The following ENTPD7 variants were observed in gnomAD, a reference collection of about 807,000 sequenced individuals.
The protein encoded by ENTPD7 is ectonucleoside triphosphate diphosphohydrolase 7.
Under a neutral mutation model 77.9 loss-of-function variants are expected in ENTPD7, and 53 were observed. The ratio of observed to expected loss-of-function variants is 0.68; its 90% CI spans 0.55 to 0.85. The LOEUF (loss-of-function observed/expected upper bound fraction) is 0.85, where lower values mean the gene tolerates loss of function less well. Ranked by LOEUF, ENTPD7 falls within the 40% of genes least tolerant of loss-of-function variation. The pLI is 0.00. For synonymous variants in ENTPD7, 248 were observed against 274.9 expected (o/e 0.90, Z 0.97); for missense variants, 636 against 743.7 (o/e 0.86, Z 1.68).
At chr10:99,677,854 G>A (rs1047542218) in intron 3 of ENTPD7, among the ~76,000 whole-genome samples, 20 of 152,132 alleles carry the variant, frequency 1.3e-4, no homozygotes, top group Non-Finnish European at 2.4e-4. Flanking sequence ...TACAGATGAG[G>A]AAACAGTCTG....
At position 99,700,782 on chromosome 10, in the gene ENTPD7, T is replaced by C; in HGVS notation, c.1336-191T>C. 3 of 632,598 alleles carry C rather than the reference T, an allele frequency of 4.7e-6. No homozygotes were observed. In the South Asian group the frequency reaches 5.5e-5, roughly 12 times the overall value. The allele number at this position is 632,598 out of a possible 1,614,324, so 39.2% of individuals were successfully genotyped here. The stretch of plus-strand genomic sequence containing the variant: ...CAGAAGCCACATCAAGCTGGCTTGG[T>C]GCTAGACATGGGATGACGGGAATAA... On this transcript the variant is annotated intron_variant, in intron 10 of 12. Transcript: ENST00000370489.
chr10:99,699,877 T>TTCCC (rs912741947), intron 10 of ENTPD7, among the ~76,000 whole-genome samples: 1 of 151,950 alleles, frequency 6.6e-6, no homozygotes, highest in Non-Finnish European at 1.5e-5. Context: ...CTCCTCATAT[T>TTCCC]TCCCTCCCTC....
At position 99,665,715 on chromosome 10, in the gene ENTPD7, A is replaced by G. The variant is rs538753901; in HGVS notation, c.191+4087A>G. 5.3e-5 allele frequency among the ~76,000 whole-genome samples: 8 copies of G among 149,778 alleles called. No homozygotes were observed. In the South Asian group the frequency reaches 1.7e-3, roughly 32 times the overall value. On this transcript the variant is annotated intron_variant, in intron 3 of 12. Transcript: ENST00000370489. ...TTTTTTTTTTTTCTTTTTAAACGTT[A>G]CTGAAATAGAGATGGAGGTCTCACT...
intron 3 of ENTPD7, among the ~76,000 whole-genome samples, chr10:99,674,170 T>C (rs916446541): frequency 6.6e-6 from 1 of 152,128 alleles, no homozygotes; most frequent in African/African-American, 2.4e-5. Flanking sequence ...GAGAAGCAGA[T>C]GGATGTTAAA....
rs192674807 is a variant in ENTPD7 at position 99,711,166 on chromosome 10, T to C, written c.*6483T>C. ...GATATAATACAGTTATATAGCTAAATGCAACCAGTTGTTTTTCCAAATGTA... is the reference window on the plus strand; with the variant it reads ...GATATAATACAGTTATATAGCTAAACGCAACCAGTTGTTTTTCCAAATGTA... On this transcript the variant is annotated 3_prime_UTR_variant, in exon 13 of 13. Transcript: ENST00000370489. The C allele has an allele frequency of 1.8e-5, 18 of 985,270 alleles. No individual in the cohort carries two copies. In the East Asian group the frequency reaches 1.5e-3, roughly 81 times the overall value. 61.0% of individuals were successfully genotyped at this position (985,270 alleles called of 1,614,324 possible).
chr10:99,693,257 C>T (rs2035913070), intron 8 of ENTPD7, among the ~76,000 whole-genome samples: 2 of 152,132 alleles, frequency 1.3e-5, no homozygotes, highest in Non-Finnish European at 1.5e-5. Context: ...TCTTCTAGTT[C>T]AGAAGTTGTA....
rs1242942064 is a variant in ENTPD7, at chr10:99,698,653, G to A, written c.1130G>A (p.Gly377Glu). The change falls in exon 10 of 13, where the codon GGA (glycine) becomes GAA (glutamate). Residue 377 changes from glycine to glutamate, a missense_variant. Coordinates refer to ENST00000370489, the MANE Select transcript of ENTPD7 (RefSeq NM_020354.5). ...CAAGTCTTACATGTCCGAGGAAGAGGAGACTGGGTGTCTTGTGGGGCAATG... is the reference window on the plus strand; with the variant it reads ...CAAGTCTTACATGTCCGAGGAAGAGAAGACTGGGTGTCTTGTGGGGCAATG... ...NSQVLHVRGR[G>E]DWVSCGAMLS... is the part of the protein sequence containing the mutation. 1.9e-6 allele frequency: 3 copies of A among 1,614,170 alleles called. No homozygotes were observed. The highest frequency in any genetic ancestry group is 2.5e-6 in the Non-Finnish European group (3 of 1,180,034).
rs185539625 is a variant in ENTPD7, at chr10:99,687,411, G to C, written c.653-1283G>C. On this transcript the variant is annotated intron_variant, in intron 6 of 12. Transcript: ENST00000370489. Reference sequence around the variant, plus strand: ...CTCCCGAGTAGCTGGGACTATAGGCGTGTGCCACCACGCCTGGCTAATTTT... The same window carrying C: ...CTCCCGAGTAGCTGGGACTATAGGCCTGTGCCACCACGCCTGGCTAATTTT... Among the ~76,000 whole-genome samples the C allele has an allele frequency of 2.9e-3, 435 of 151,498 alleles. 1 individual carries two copies. The highest frequency in any genetic ancestry group is 3.5e-3 in the Non-Finnish European group (239 of 67,804).
intron 2 of ENTPD7, among the ~76,000 whole-genome samples, chr10:99,661,171 T>TAGA (rs2035480464): frequency 1.3e-5 from 2 of 152,220 alleles, no homozygotes; most frequent in Non-Finnish European, 2.9e-5. Context: ...GTTATGAGGT[T>TAGA]GCCCAGGGAG....
Position 99,709,198 on chromosome 10 carries a change from A to G in ENTPD7, c.*4515A>G. The stretch of plus-strand genomic sequence containing the variant: ...CCTATTACATCTACCTCATTAAAGA[A>G]CTTCGTTGTAATTCTTGGGCAGTTT... On this transcript the variant is annotated 3_prime_UTR_variant, in exon 13 of 13. Transcript: ENST00000370489. 1.0e-6 allele frequency: 1 copy of G among 985,434 alleles called. No individual in the cohort carries two copies. The highest frequency in any genetic ancestry group is 1.2e-6 in the Non-Finnish European group (1 of 829,934). 61.0% of individuals were successfully genotyped at this position (985,434 alleles called of 1,614,324 possible).
rs560764796 is a variant in ENTPD7, at chr10:99,691,610, C to T, written c.843+92C>T. The T allele has an allele frequency of 1.3e-5, 18 of 1,400,646 alleles. No individual in the cohort carries two copies. The South Asian group carries it at 2.3e-4, about 18-fold the overall frequency. The allele number at this position is 1,400,646 out of a possible 1,614,324, so 86.8% of individuals were successfully genotyped here. A position where few individuals can be genotyped will look rare whatever the true frequency, so the allele number is the denominator to read the frequency against. On this transcript the variant is annotated intron_variant, in intron 8 of 12. Transcript: ENST00000370489. ...TTTGGACTTAGACCAACCTACCTGG[C>T]TCTAAATATTTGTTCAGATACTTGC...
At chr10:99,671,747 A>C (rs771511819) in intron 3 of ENTPD7, among the ~76,000 whole-genome samples, 14 of 152,162 alleles carry the variant, frequency 9.2e-5, no homozygotes, top group Non-Finnish European at 1.8e-4. Flanking sequence ...TGTTATCTTC[A>C]TTAGTGGGTA....
At chr10:99,691,020 T>C (rs2035875909) in intron 7 of ENTPD7, among the ~76,000 whole-genome samples, 3 of 152,198 alleles carry the variant, frequency 2.0e-5, no homozygotes, top group Admixed American at 1.3e-4. Context: ...AGACAGGTTC[T>C]CTGTCACTGA....
In ENTPD7 at chr10:99,710,195, G is replaced by A. The variant is rs2036337792; in HGVS notation, c.*5512G>A. ...TTTCCTAAGTGGCCCCTCCTACAGA[G>A]CACTTGCCGGCATTTGGCCTGCTGC... is the stretch of plus-strand genomic sequence containing the variant. On this transcript the variant is annotated 3_prime_UTR_variant, in exon 13 of 13. Coordinates refer to ENST00000370489, the MANE Select transcript of ENTPD7 (RefSeq NM_020354.5). 2 of 985,272 alleles carry A rather than the reference G, an allele frequency of 2.0e-6. No homozygotes were observed. Among genetic ancestry groups the A allele is most frequent in the African/African-American group, 1.7e-5 (1 of 57,222 alleles). 61.0% of individuals were successfully genotyped at this position (985,272 alleles called of 1,614,324 possible).
intron 3 of ENTPD7, among the ~76,000 whole-genome samples, chr10:99,676,481 G>A (rs1400037878): frequency 6.6e-6 from 1 of 152,180 alleles, no homozygotes; most frequent in South Asian, 2.1e-4. Context: ...AGCAGAGTGG[G>A]TGGTTTTCAG....
rs2036360983 is a variant in ENTPD7 at position 99,710,913 on chromosome 10, T to A, written c.*6230T>A. 1 of 985,234 alleles carries A rather than the reference T, an allele frequency of 1.0e-6. No homozygotes were observed. The highest frequency in any genetic ancestry group is 1.2e-6 in the Non-Finnish European group (1 of 829,836). 61.0% of individuals were successfully genotyped at this position (985,234 alleles called of 1,614,324 possible). A position where few individuals can be genotyped will look rare whatever the true frequency, so the allele number is the denominator to read the frequency against. ...AATTTCCTTCATGTTTTAAAAACAA[T>A]GGACGTAAGTGCAGAGAGACCTTTG... On this transcript the variant is annotated 3_prime_UTR_variant, in exon 13 of 13. Transcript: ENST00000370489.
intron 2 of ENTPD7, among the ~76,000 whole-genome samples, chr10:99,661,011 A>G (rs554442574): frequency 7.2e-5 from 11 of 152,220 alleles, no homozygotes; most frequent in African/African-American, 2.4e-4. Flanking sequence ...TTCACTATAC[A>G]ATATATCCTT....
rs1235506144 is a variant in ENTPD7, at chr10:99,704,363, A to G, written c.1584-89A>G. The G allele has an allele frequency of 3.9e-6, 5 of 1,276,264 alleles. No homozygotes were observed. In the Admixed American group the frequency reaches 5.5e-5, roughly 14 times the overall value. 79.1% of individuals were successfully genotyped at this position (1,276,264 alleles called of 1,614,324 possible). A position where few individuals can be genotyped will look rare whatever the true frequency, so the allele number is the denominator to read the frequency against. ...TGTTTATGTGGATGGAATAAATGTG[A>G]TAACACTACTGGGCCTTTCAAATCA... On this transcript the variant is annotated intron_variant, in intron 12 of 12. Transcript: ENST00000370489.
intron 2 of ENTPD7, among the ~76,000 whole-genome samples, chr10:99,661,138 T>G (rs564439537): frequency 6.6e-6 from 1 of 152,368 alleles, no homozygotes; most frequent in East Asian, 1.9e-4. Flanking sequence ...TTGGGAATAC[T>G]GTAGTTGCTC....
Sources: gnomAD v4.1 joint callset for allele counts (sites outside exome capture counted in the v4.1 genomes callset) on GRCh38, gnomAD v4.1.1 for gene constraint, MANE v1.5 for transcripts, NCBI Gene and HGNC (gene_info 2026-07-23, HGNC 2026-07-21) for gene names.